The following C17orf67 variants were observed in gnomAD, a reference collection of about 807,000 sequenced individuals.
The protein encoded by C17orf67 is uncharacterized protein C17orf67.
Under a neutral mutation model 11.2 loss-of-function variants are expected in C17orf67, and 12 were observed. That is an observed-to-expected ratio of 1.07 (90% CI 0.68 to 1.73). C17orf67 has a LOEUF of 1.73. Ranked by LOEUF, C17orf67 falls within the 40% of genes most tolerant of loss-of-function variation. The pLI is 0.00. For synonymous variants in C17orf67, 59 were observed against 46.9 expected (o/e 1.26, Z -1.05); for missense variants, 115 against 113.5 (o/e 1.01, Z -0.06).
intron 4 of C17orf67, among the ~76,000 whole-genome samples, chr17:56,820,448 ACACACT>A (rs1597997822): frequency 6.6e-6 from 1 of 152,136 alleles, no homozygotes; most frequent in Non-Finnish European, 1.5e-5. Context: ...ACCCACCCAC[ACACACT>A]CACGCGGGGA....
At chr17:56,811,277 A>G (rs2144130293) in intron 6 of C17orf67, among the ~76,000 whole-genome samples, 1 of 152,330 alleles carries the variant, frequency 6.6e-6, no homozygotes, top group South Asian at 2.1e-4. Flanking sequence ...CTTCCAAAAG[A>G]GGAAGTGACT....
At chr17:56,803,844 C>T (rs1424810387) in intron 6 of C17orf67, 2 of 152,176 alleles carry the variant, frequency 1.3e-5, no homozygotes, top group Admixed American at 1.3e-4. Context: ...GCACTGGTTT[C>T]CATGACATTT....
Position 56,815,862 on chromosome 17 carries a change from A to G in C17orf67, c.-52T>C. The G allele has an allele frequency of 6.2e-7, 1 of 1,612,042 alleles. No individual in the cohort carries two copies. Among genetic ancestry groups the G allele is most frequent in the African/African-American group, 1.3e-5 (1 of 74,984 alleles). ...TGAGTGAATCCTCCCAGACTGAGTCAGCCAACTTGAAGGAAGCCATGCCAG... is the reference window on the plus strand; with the variant it reads ...TGAGTGAATCCTCCCAGACTGAGTCGGCCAACTTGAAGGAAGCCATGCCAG... On this transcript the variant is annotated 5_prime_UTR_variant, in exon 5 of 8. The change abolishes the stop of an existing upstream ORF in the 5' untranslated region. Transcript: ENST00000397861.
chr17:56,805,360 T>A (rs901698371), intron 6 of C17orf67, among the ~76,000 whole-genome samples: 5 of 152,136 alleles, frequency 3.3e-5, no homozygotes, highest in African/African-American at 1.2e-4. Context: ...ACTCATGGAT[T>A]TCCACTGCCA....
At chr17:56,803,680 T>C (rs1905378575) in intron 6 of C17orf67, among the ~76,000 whole-genome samples, 1 of 152,232 alleles carries the variant, frequency 6.6e-6, no homozygotes, top group Admixed American at 6.5e-5. Flanking sequence ...TTTCTTGATA[T>C]CTGTGTCAGT....
chr17:56,804,726 G>T (rs1905405011), intron 6 of C17orf67, among the ~76,000 whole-genome samples: 1 of 152,172 alleles, frequency 6.6e-6, no homozygotes, highest in African/African-American at 2.4e-5. Flanking sequence ...GGTTTCACAA[G>T]CACTTACAAA....
chr17:56,807,906 TAAA>T (rs1905494929), intron 6 of C17orf67, among the ~76,000 whole-genome samples: 2 of 22,414 alleles, frequency 8.9e-5, no homozygotes, highest in East Asian at 0.011. Flanking sequence ...AAATAAATAA[TAAA>T]TAAATAAATA....
At chr17:56,807,442 G>A (rs1051131514) in intron 6 of C17orf67, among the ~76,000 whole-genome samples, 1 of 152,174 alleles carries the variant, frequency 6.6e-6, no homozygotes, top group Non-Finnish European at 1.5e-5. Context: ...GGTTAGGGAG[G>A]CACAGATTTG....
chr17:56,801,828 C>G (rs958309807), intron 6 of C17orf67, among the ~76,000 whole-genome samples: 12 of 152,192 alleles, frequency 7.9e-5, no homozygotes, highest in Non-Finnish European at 1.8e-4. Flanking sequence ...ACAACAAGTT[C>G]CCAGCATATA....
Position 56,815,931 on chromosome 17 carries a change from G to A in C17orf67, c.-121C>T. 6.5e-7 allele frequency: 1 copy of A among 1,542,692 alleles called. No individual in the cohort carries two copies. Among genetic ancestry groups the A allele is most frequent in the Non-Finnish European group, 8.8e-7 (1 of 1,135,994 alleles). ...CTTTGACTAACGGGACTTACGGTAT[G>A]ATGCTGAATGTATCTGACTCTGAGC... On this transcript the variant is annotated 5_prime_UTR_variant, in exon 5 of 8. Coordinates refer to ENST00000397861, the MANE Select transcript of C17orf67 (RefSeq NM_001085430.4).
intron 4 of C17orf67, among the ~76,000 whole-genome samples, chr17:56,817,511 C>CAATCACAGA (rs1443318446): frequency 6.6e-6 from 1 of 152,046 alleles, no homozygotes; most frequent in Non-Finnish European, 1.5e-5. Context: ...GGCAGAAGTG[C>CAATCACAGA]AGTGGTGCAA....
chr17:56,820,914 TG>T (rs1348163662), intron 4 of C17orf67, among the ~76,000 whole-genome samples: 1 of 152,008 alleles, frequency 6.6e-6, no homozygotes, highest in African/African-American at 2.4e-5. Context: ...AACTTCGTTT[TG>T]TTTTTGTTTT....
At chr17:56,831,877 C>G (rs1906213030) in intron 2 of C17orf67, among the ~76,000 whole-genome samples, 1 of 152,218 alleles carries the variant, frequency 6.6e-6, no homozygotes, top group African/African-American at 2.4e-5. Flanking sequence ...CCTATGAAAT[C>G]TGCAGACTTC....
chr17:56,801,021 C>A (rs900822386), intron 6 of C17orf67, among the ~76,000 whole-genome samples: 4 of 152,184 alleles, frequency 2.6e-5, no homozygotes, highest in African/African-American at 7.2e-5. Flanking sequence ...CGCACTCCAG[C>A]GCAGGCAACA....
Position 56,815,890 on chromosome 17 carries a change from C to G in C17orf67, c.-80G>C. ...CAACTTGAAGGAAGCCATGCCAGGC[C>G]CTGCGCTTGTTTATGCTTTGACTAA... is the stretch of plus-strand genomic sequence containing the variant. On this transcript the variant is annotated 5_prime_UTR_variant, in exon 5 of 8. Transcript: ENST00000397861. 6.2e-7 allele frequency: 1 copy of G among 1,604,448 alleles called. No homozygotes were observed. Among genetic ancestry groups the G allele is most frequent in the Non-Finnish European group, 8.5e-7 (1 of 1,174,502 alleles).
At chr17:56,809,842 C>T (rs1228602985) in intron 6 of C17orf67, among the ~76,000 whole-genome samples, 3 of 140,550 alleles carry the variant, frequency 2.1e-5, no homozygotes. Flanking sequence ...ACACCCCTTA[C>T]ACATACACCC....
intron 4 of C17orf67, among the ~76,000 whole-genome samples, chr17:56,823,266 G>C (rs1905949046): frequency 6.6e-6 from 1 of 152,168 alleles, no homozygotes; most frequent in African/African-American, 2.4e-5. Context: ...TGGGATCTCT[G>C]TTGGGATGAT....
intron 6 of C17orf67, among the ~76,000 whole-genome samples, chr17:56,811,891 C>T (rs1244521151): frequency 1.3e-5 from 2 of 152,228 alleles, no homozygotes; most frequent in Non-Finnish European, 2.9e-5. Flanking sequence ...CTGGTACACA[C>T]GTGGCTGATT....
intron 7 of C17orf67, among the ~76,000 whole-genome samples, chr17:56,794,810 G>T (rs183989398): frequency 2.6e-5 from 4 of 152,142 alleles, no homozygotes; most frequent in Admixed American, 6.5e-5. Flanking sequence ...CTCCCCATTC[G>T]GGATCACTTT....
Sources: allele counts gnomAD v4.1 joint callset (sites outside exome capture counted in the v4.1 genomes callset), GRCh38; gene constraint gnomAD v4.1.1; transcripts MANE v1.5; gene names NCBI Gene and HGNC (gene_info 2026-07-23, HGNC 2026-07-21).